COG5: variants seen among roughly 807,000 people sequenced by gnomAD.
COG5 encodes the protein component of oligomeric golgi complex 5.
In COG5, 86 loss-of-function variants were observed where a neutral mutation model predicts 110.4. That is an observed-to-expected ratio of 0.78 (90% CI 0.65 to 0.93). The LOEUF (loss-of-function observed/expected upper bound fraction) is 0.93, where lower values mean the gene tolerates loss of function less well. Among genes scored for constraint, COG5 ranks in the 40% least tolerant of loss-of-function variants. The pLI is 0.00. For missense variants in COG5, 1,077 were observed against 987.0 expected (o/e 1.09, Z -1.22); for synonymous variants, 360 against 334.6 (o/e 1.08, Z -0.83).
At chr7:107,219,836 C>G (rs968001527) in intron 19 of COG5, among the ~76,000 whole-genome samples, 11 of 152,142 alleles carry the variant, frequency 7.2e-5, no homozygotes, top group African/African-American at 2.7e-4. Context: ...TTCAAATGTT[C>G]TTATCATTAA....
chr7:107,529,291 C>T (rs1450247562), intron 5 of COG5, among the ~76,000 whole-genome samples: 1 of 152,090 alleles, frequency 6.6e-6, no homozygotes, highest in Non-Finnish European at 1.5e-5. Context: ...ACTGCCCCAC[C>T]CACTAGGAAC....
At chr7:107,317,664 G>C (rs967916263) in intron 11 of COG5, among the ~76,000 whole-genome samples, 1 of 152,126 alleles carries the variant, frequency 6.6e-6, no homozygotes, top group African/African-American at 2.4e-5. Flanking sequence ...TTAAGTATCT[G>C]ATACTATCAG....
intron 14 of COG5, among the ~76,000 whole-genome samples, chr7:107,281,078 T>C (rs1364667833): frequency 6.6e-6 from 1 of 152,018 alleles, no homozygotes; most frequent in Non-Finnish European, 1.5e-5. Flanking sequence ...CTTATAAAAC[T>C]TGCTTGTCTT....
chr7:107,422,078 A>G (rs1403783111), intron 6 of COG5, among the ~76,000 whole-genome samples: 1 of 152,220 alleles, frequency 6.6e-6, no homozygotes, highest in African/African-American at 2.4e-5. Flanking sequence ...AATAAATCCA[A>G]AATTAGAACT....
intron 21 of COG5, among the ~76,000 whole-genome samples, chr7:107,204,063 T>C (rs1798564671): frequency 6.6e-6 from 1 of 152,234 alleles, no homozygotes. Flanking sequence ...GCACATTCGG[T>C]AACACCAGTA....
chr7:107,412,722 A>C (rs1792399718), intron 6 of COG5, 90 bp from the exon 7 acceptor site: 2 of 852,602 alleles, frequency 2.3e-6, no homozygotes, highest in East Asian at 5.4e-5. Context: ...CAAAAAAAAA[A>C]AACAAAAAAC....
intron 1 of COG5, among the ~76,000 whole-genome samples, chr7:107,560,732 G>C (rs867179972): frequency 6.6e-6 from 1 of 152,216 alleles, no homozygotes; most frequent in Middle Eastern, 3.4e-3. Flanking sequence ...TCATATGTAG[G>C]TTTTCATGTG....
At chr7:107,273,423 G>A (rs190928200) in intron 14 of COG5, among the ~76,000 whole-genome samples, 16 of 152,248 alleles carry the variant, frequency 1.1e-4, no homozygotes, top group Non-Finnish European at 4.4e-5. Context: ...TTCAAATAGT[G>A]TAATTTTTAA....
intron 6 of COG5, among the ~76,000 whole-genome samples, chr7:107,484,538 A>G (rs1797541987): frequency 6.6e-6 from 1 of 152,148 alleles, no homozygotes; most frequent in African/African-American, 2.4e-5. Flanking sequence ...AGTGACTCTC[A>G]TGGGCCTTAC....
At chr7:107,561,686 C>G (rs1321474157) in intron 1 of COG5, among the ~76,000 whole-genome samples, 2 of 152,140 alleles carry the variant, frequency 1.3e-5, no homozygotes, top group African/African-American at 2.4e-5. Flanking sequence ...TAGAACGGAG[C>G]AGAGACTCGG....
intron 15 of COG5, among the ~76,000 whole-genome samples, chr7:107,257,907 T>C (rs902831879): frequency 1.3e-5 from 2 of 152,200 alleles, no homozygotes; most frequent in African/African-American, 4.8e-5. Flanking sequence ...TTGGAGGGCT[T>C]CAGCATTCTT....
chr7:107,227,802 G>A (rs1006985584), intron 19 of COG5, among the ~76,000 whole-genome samples: 5 of 152,048 alleles, frequency 3.3e-5, no homozygotes, highest in African/African-American at 9.7e-5. Flanking sequence ...TCCAGCTCCC[G>A]GGTTAAAGTG....
chr7:107,379,851 T>C (rs1814957371), intron 7 of COG5, among the ~76,000 whole-genome samples: 1 of 152,064 alleles, frequency 6.6e-6, no homozygotes, highest in African/African-American at 2.4e-5. Flanking sequence ...AATGCCCCAC[T>C]GTCAATATGA....
chr7:107,494,084 A>G (rs950256661), intron 6 of COG5, among the ~76,000 whole-genome samples: 1 of 152,166 alleles, frequency 6.6e-6, no homozygotes, highest in Non-Finnish European at 1.5e-5. Context: ...TTGGGAGTAC[A>G]GAAATTTTAT....
intron 6 of COG5, among the ~76,000 whole-genome samples, chr7:107,498,962 G>A (rs1280688083): frequency 3.9e-5 from 6 of 152,122 alleles, no homozygotes; most frequent in Middle Eastern, 3.4e-3. Flanking sequence ...ATATTATTCC[G>A]ACTTAAACAA....
intron 14 of COG5, among the ~76,000 whole-genome samples, chr7:107,268,953 T>G (rs1232951029): frequency 6.6e-6 from 1 of 152,200 alleles, no homozygotes; most frequent in Non-Finnish European, 1.5e-5. Flanking sequence ...CAGTTTAGTA[T>G]ATTTATATTT....
At chr7:107,460,721 T>G (rs1426381198) in intron 6 of COG5, among the ~76,000 whole-genome samples, 1 of 151,262 alleles carries the variant, frequency 6.6e-6, no homozygotes, top group African/African-American at 2.4e-5. Context: ...GTAGGCAAAC[T>G]CAAAAAGAAA....
intron 16 of COG5, among the ~76,000 whole-genome samples, chr7:107,252,869 T>C (rs1362572626): frequency 6.6e-6 from 1 of 152,078 alleles, no homozygotes; most frequent in Admixed American, 6.6e-5. Flanking sequence ...CCATTAATAA[T>C]AAAAAATAGA....
At chr7:107,351,810 A>G (rs1437374224) in intron 10 of COG5, among the ~76,000 whole-genome samples, 2 of 150,110 alleles carry the variant, frequency 1.3e-5, no homozygotes, top group African/African-American at 4.9e-5. Flanking sequence ...GTCAGGAAAC[A>G]ACAGGTGCTG....
Sources: gnomAD v4.1 joint callset for allele counts (sites outside exome capture counted in the v4.1 genomes callset) on GRCh38, gnomAD v4.1.1 for gene constraint, MANE v1.5 for transcripts, NCBI Gene and HGNC (gene_info 2026-07-23, HGNC 2026-07-21) for gene names.